EXT2: variants seen among roughly 807,000 people sequenced by gnomAD.
EXT2 encodes exostosin-2.
EXT2 carries 53 observed loss-of-function variants against 81.6 expected under a neutral mutation model. That is an observed-to-expected ratio of 0.65 (90% CI 0.52 to 0.82). The LOEUF (loss-of-function observed/expected upper bound fraction) is 0.82, where lower values mean the gene tolerates loss of function less well. EXT2 is among the 40% of genes least tolerant of loss of function. The pLI, the probability that EXT2 is intolerant of heterozygous loss-of-function variation, is 0.00. For synonymous variants in EXT2, 320 were observed against 340.0 expected (o/e 0.94, Z 0.65); for missense variants, 774 against 910.2 (o/e 0.85, Z 1.93).
intron 10 of EXT2, among the ~76,000 whole-genome samples, chr11:44,208,553 T>C (rs2135208842): frequency 6.6e-6 from 1 of 152,328 alleles, no homozygotes; most frequent in Middle Eastern, 3.4e-3. Context: ...TCTAAAGAAG[T>C]AATCATTAGA....
chr11:44,216,626 T>C (rs1955722944), intron 10 of EXT2, among the ~76,000 whole-genome samples: 2 of 152,114 alleles, frequency 1.3e-5, no homozygotes, highest in South Asian at 4.1e-4. Context: ...TTTTCACAAA[T>C]GCAAAGGCAT....
chr11:44,245,160 T>C lies in EXT2; in HGVS notation c.*873T>C, dbSNP rs1343237697. 4.4e-6 allele frequency: 1 copy of C among 229,398 alleles called. No homozygotes were observed. The highest frequency in any genetic ancestry group is 8.7e-6 in the Non-Finnish European group (1 of 115,442). The allele number at this position is 229,398 out of a possible 1,614,324, so 14.2% of individuals were successfully genotyped here. A position where few individuals can be genotyped will look rare whatever the true frequency, so the allele number is the denominator to read the frequency against. On this transcript the variant is annotated 3_prime_UTR_variant, in exon 14 of 14. Transcript: ENST00000533608. ...CCAGAGGAATCTGTTTGCTTCCTGA[T>C]TAGATCCAGTCAATGTTTTAAAGGT...
At chr11:44,218,420 C>T (rs1955743637) in intron 10 of EXT2, among the ~76,000 whole-genome samples, 1 of 152,116 alleles carries the variant, frequency 6.6e-6, no homozygotes, top group Non-Finnish European at 1.5e-5. Flanking sequence ...AATAGAGGGC[C>T]AGCGGAGGTG....
chr11:44,199,921 T>C (rs920702472), intron 9 of EXT2, among the ~76,000 whole-genome samples: 5 of 152,192 alleles, frequency 3.3e-5, no homozygotes, highest in Non-Finnish European at 7.3e-5. Context: ...AGCCCTTAAC[T>C]GATGAGGCCC....
At position 44,156,875 on chromosome 11, in the gene EXT2, C is replaced by T. The variant is rs144935076; in HGVS notation, c.1174-14736C>T. On this transcript the variant is annotated intron_variant, in intron 7 of 13. Transcript: ENST00000533608. ...TACCCATCCTTCTTAGGAAGGCTTT[C>T]TACGTATTCAAAGGAAATTGAGTGT... Among the ~76,000 whole-genome samples, 126 of 152,318 alleles carry T rather than the reference C, an allele frequency of 8.3e-4. 2 individuals are homozygous for T. In the Middle Eastern group the frequency reaches 0.017, roughly 21 times the overall value.
intron 1 of EXT2, among the ~76,000 whole-genome samples, chr11:44,103,044 C>G (rs560805893): frequency 6.6e-5 from 10 of 151,942 alleles, no homozygotes; most frequent in Non-Finnish European, 1.0e-4. Context: ...TTAATGGTTT[C>G]TGGTTTTTGT....
At chr11:44,226,031 AGTG>A (rs1412539592) in intron 10 of EXT2, among the ~76,000 whole-genome samples, 2 of 152,208 alleles carry the variant, frequency 1.3e-5, no homozygotes, top group Admixed American at 1.3e-4. Flanking sequence ...TCTTCCTAGT[AGTG>A]GTAATTATTG....
chr11:44,197,765 G>T, intron 8 of EXT2, 64 bp from the exon 9 acceptor site: 3 of 1,563,070 alleles, frequency 1.9e-6, no homozygotes, highest in South Asian at 1.1e-5. Flanking sequence ...GTTTGCTGAC[G>T]ATATTGGGTC....
At chr11:44,243,332 C>G (rs960307071) in intron 13 of EXT2, among the ~76,000 whole-genome samples, 2 of 152,192 alleles carry the variant, frequency 1.3e-5, no homozygotes, top group African/African-American at 4.8e-5. Context: ...CTGACCTGCT[C>G]ACCTCTGAGA....
chr11:44,183,065 T>C (rs933370669), intron 8 of EXT2, among the ~76,000 whole-genome samples: 2 of 152,228 alleles, frequency 1.3e-5, no homozygotes, highest in Admixed American at 6.5e-5. Context: ...TGCTTTTGCA[T>C]GATGAGATTC....
At chr11:44,231,771 A>G (rs1355162831) in intron 10 of EXT2, among the ~76,000 whole-genome samples, 1 of 152,192 alleles carries the variant, frequency 6.6e-6, no homozygotes. Flanking sequence ...GCTTAATCCA[A>G]CAAAGCTCTT....
At chr11:44,156,324 ATC>A (rs1171032162) in intron 7 of EXT2, among the ~76,000 whole-genome samples, 1 of 152,140 alleles carries the variant, frequency 6.6e-6, no homozygotes, top group Admixed American at 6.5e-5. Flanking sequence ...TTCTACCTCA[ATC>A]TCTCTTTCCA....
intron 1 of EXT2, among the ~76,000 whole-genome samples, chr11:44,097,353 T>A (rs996627965): frequency 6.6e-6 from 1 of 152,226 alleles, no homozygotes; most frequent in African/African-American, 2.4e-5. Context: ...ACTTTAATTA[T>A]AAAGAATCCT....
At chr11:44,131,175 T>C (rs1004334445) in intron 7 of EXT2, among the ~76,000 whole-genome samples, 2 of 152,242 alleles carry the variant, frequency 1.3e-5, no homozygotes, top group African/African-American at 4.8e-5. Flanking sequence ...TTACCACTTC[T>C]TCCTTTACTT....
intron 4 of EXT2, among the ~76,000 whole-genome samples, chr11:44,120,296 A>T (rs1043546478): frequency 6.6e-6 from 1 of 152,114 alleles, no homozygotes; most frequent in Admixed American, 6.6e-5. Flanking sequence ...TGGTTCAATA[A>T]CCCGATAGGA....
chr11:44,223,734 T>C (rs1482234091), intron 10 of EXT2, among the ~76,000 whole-genome samples: 1 of 149,690 alleles, frequency 6.7e-6, no homozygotes, highest in Non-Finnish European at 1.5e-5. Context: ...TACTGCAAGC[T>C]CCGCCTCCTG....
At chr11:44,100,013 A>G (rs752070370) in intron 1 of EXT2, among the ~76,000 whole-genome samples, 50 of 152,310 alleles carry the variant, frequency 3.3e-4, no homozygotes, top group Admixed American at 9.1e-4. Context: ...TCCCTCAGCC[A>G]GTGCGGGGTG....
chr11:44,155,827 G>A (rs1033341574), intron 7 of EXT2, among the ~76,000 whole-genome samples: 48 of 152,018 alleles, frequency 3.2e-4, no homozygotes, highest in Admixed American at 2.5e-3. Flanking sequence ...TGCTATTACC[G>A]GTGGGTTTTG....
chr11:44,141,444 C>A (rs1234520672), intron 7 of EXT2, among the ~76,000 whole-genome samples: 1 of 152,106 alleles, frequency 6.6e-6, no homozygotes, highest in African/African-American at 2.4e-5. Flanking sequence ...GCAAAATGCC[C>A]CAAACTCCAA....
Sources: allele counts gnomAD v4.1 joint callset (sites outside exome capture counted in the v4.1 genomes callset), GRCh38; gene constraint gnomAD v4.1.1; transcripts MANE v1.5; gene names NCBI Gene and HGNC (gene_info 2026-07-23, HGNC 2026-07-21).